The following RNF10 variants were observed in gnomAD, a reference collection of about 807,000 sequenced individuals.
RNF10 encodes the protein E3 ubiquitin-protein ligase RNF10.
In RNF10, 38 loss-of-function variants were observed where a neutral mutation model predicts 91.4. The ratio of observed to expected loss-of-function variants is 0.42; its 90% CI spans 0.32 to 0.54. RNF10 has a LOEUF of 0.54. Among genes scored for constraint, RNF10 ranks in the 20% least tolerant of loss-of-function variants. RNF10 has a pLI of 0.16. For missense variants in RNF10, 945 were observed against 1,012.0 expected, an observed-to-expected ratio of 0.93 and a Z score of 0.90; for synonymous variants, 364 against 366.3, an observed-to-expected ratio of 0.99 and a Z score of 0.07.
Position 120,565,417 on chromosome 12 carries a change from C to G in RNF10, c.1784-11C>G. 5.0e-6 allele frequency: 8 copies of G among 1,613,330 alleles called. No homozygotes were observed. The highest frequency in any genetic ancestry group is 6.8e-6 in the Non-Finnish European group (8 of 1,179,450). ...CTGGGTCTACCTCTTTACAACCTGA[C>G]CAATCTGCAGATGACATTGAGAAGA... On this transcript the variant is annotated splice_polypyrimidine_tract_variant and intron_variant, in intron 11 of 16. Coordinates refer to ENST00000325954, the MANE Select transcript of RNF10 (RefSeq NM_014868.5).
intron 7 of RNF10, among the ~76,000 whole-genome samples, chr12:120,562,567 C>T (rs1054499006): frequency 3.2e-4 from 48 of 152,138 alleles, no homozygotes; most frequent in African/African-American, 1.1e-3. Flanking sequence ...AGCCACCACA[C>T]CTGGCCGTAT....
At chr12:120,542,145 C>T (rs776955496) in intron 1 of RNF10, among the ~76,000 whole-genome samples, 4 of 152,122 alleles carry the variant, frequency 2.6e-5, no homozygotes, top group Non-Finnish European at 4.4e-5. Context: ...GGATTACAGG[C>T]GTGAGCCACC....
At chr12:120,559,422 G>A (rs1269256684) in intron 6 of RNF10, among the ~76,000 whole-genome samples, 1 of 151,198 alleles carries the variant, frequency 6.6e-6, no homozygotes, top group Admixed American at 6.6e-5. Flanking sequence ...GTCTCACTCT[G>A]TTGCCAGGCT....
At position 120,575,957 on chromosome 12, in the gene RNF10, G is replaced by A; in HGVS notation, c.2359+7G>A. The A allele has an allele frequency of 2.5e-6, 4 of 1,613,152 alleles. No individual in the cohort carries two copies. The highest frequency in any genetic ancestry group is 3.4e-6 in the Non-Finnish European group (4 of 1,180,006). ...ACTTCAGATCCCCTCTCTGGTAAGG[G>A]CAGAGGCTGGAGTGCCCAGGGTTGT... On this transcript the variant is annotated splice_region_variant and intron_variant, in intron 16 of 16. Coordinates refer to ENST00000325954, the MANE Select transcript of RNF10 (RefSeq NM_014868.5).
chr12:120,557,605 TGAAGAG>T lies in RNF10; in HGVS notation c.892_897del (p.Lys298_Arg299del). On this transcript the variant is annotated inframe_deletion, in exon 6 of 17. Transcript: ENST00000325954. ...GGTGATACCATTACGATGCAGCTGATGAAGAGGGAGAAAGGGGTGTTGGTGGCTTTG... is the reference window on the plus strand; with the variant it reads ...GGTGATACCATTACGATGCAGCTGATGGAGAAAGGGGTGTTGGTGGCTTTG... 3 of 1,614,182 alleles carry T rather than the reference TGAAGAG, an allele frequency of 1.9e-6. No individual in the cohort carries two copies. Among genetic ancestry groups the T allele is most frequent in the Non-Finnish European group, 2.5e-6 (3 of 1,180,032 alleles).
At position 120,565,182 on chromosome 12, in the gene RNF10, G is replaced by A. The variant is rs1476048533; in HGVS notation, c.1776G>A (p.Met592Ile). The A allele has an allele frequency of 1.3e-6, 2 of 1,598,040 alleles. No individual in the cohort carries two copies. The highest frequency in any genetic ancestry group is 1.3e-5 in the African/African-American group (1 of 74,650). ...TGGTCTCTAAGGAAACCCTAGAGAT[G>A]TTCTCAGGTGAGAATGCCCCTGCTC... ...PPVVSKETLE[M>I]FSDDIEKRKR... The change falls in exon 11 of 17, where the codon ATG becomes ATA. Residue 592 changes from methionine (M) to isoleucine (I), a missense_variant. By Grantham distance (10) the Met-to-Ile change is conservative. Coordinates refer to ENST00000325954, the MANE Select transcript of RNF10 (RefSeq NM_014868.5).
intron 7 of RNF10, 64 bp from the exon 8 acceptor site, chr12:120,562,881 C>T (rs1875095411): frequency 1.9e-6 from 3 of 1,605,156 alleles, no homozygotes; most frequent in Non-Finnish European, 2.6e-6. Context: ...TAAGCCCTTG[C>T]CCTTCAAGCT....
intron 6 of RNF10, among the ~76,000 whole-genome samples, chr12:120,560,155 T>G (rs1322497203): frequency 1.1e-4 from 7 of 66,310 alleles, no homozygotes; most frequent in African/African-American, 2.7e-4. Flanking sequence ...GTTTTTTTTG[T>G]TTTTTTTTTT....
intron 7 of RNF10, 99 bp from the exon 8 acceptor site, chr12:120,562,846 T>G: frequency 6.8e-7 from 1 of 1,466,826 alleles, no homozygotes; most frequent in Non-Finnish European, 9.5e-7. Context: ...GCCTTTTAAC[T>G]TTTGGTCCTG....
intron 1 of RNF10, among the ~76,000 whole-genome samples, chr12:120,543,000 G>A (rs1409467332): frequency 6.6e-6 from 1 of 152,056 alleles, no homozygotes; most frequent in Non-Finnish European, 1.5e-5. Context: ...AGGTGGTCAG[G>A]TTTGGAGAGA....
rs778113513 is a variant in RNF10 at position 120,565,165 on chromosome 12, A to C, written c.1759A>C (p.Lys587Gln). The change falls in exon 11 of 17, where the codon AAG becomes CAG. Residue 587 changes from lysine (K) to glutamine (Q), a missense_variant. Transcript: ENST00000325954. ...GGCTTTGCAACCTCCTGTGGTCTCT[A>C]AGGAAACCCTAGAGATGTTCTCAGG... ...ELALQPPVVS[K>Q]ETLEMFSDDI... The C allele has an allele frequency of 6.2e-7, 1 of 1,611,592 alleles. No homozygotes were observed. The highest frequency in any genetic ancestry group is 1.1e-5 in the South Asian group (1 of 91,028).
intron 14 of RNF10, among the ~76,000 whole-genome samples, chr12:120,572,862 A>T (rs1053853686): frequency 6.7e-6 from 1 of 149,520 alleles, no homozygotes; most frequent in African/African-American, 2.5e-5. Context: ...CAGCCTCCCA[A>T]AGTGCTGGGA....
intron 1 of RNF10, among the ~76,000 whole-genome samples, chr12:120,536,157 C>A (rs1292946742): frequency 3.3e-5 from 5 of 151,974 alleles, no homozygotes; most frequent in African/African-American, 1.2e-4. Flanking sequence ...CGCGGTGGCT[C>A]ATGCCTGTAA....
At position 120,560,761 on chromosome 12, in the gene RNF10, G is replaced by A; in HGVS notation, c.1003G>A (p.Ala335Thr). 1 of 1,614,040 alleles carries A rather than the reference G, an allele frequency of 6.2e-7. No individual in the cohort carries two copies. The highest frequency in any genetic ancestry group is 8.5e-7 in the Non-Finnish European group (1 of 1,179,958). The change falls in exon 7 of 17, where the codon GCC (alanine) becomes ACC (threonine). Residue 335 changes from alanine to threonine, a missense_variant. Physicochemically the swap from Ala to Thr is moderately conservative, Grantham distance 58 (BLOSUM62 0). Transcript: ENST00000325954. The part of the protein sequence containing the change: ...QHSQYSKLLL[A>T]SKEQVLHRVV... Reference sequence around the variant, plus strand: ...CAGCCAGTACTCCAAGTTGCTGCTGGCCTCTAAGGAGCAGGTGCTGCACCG... The same window carrying A: ...CAGCCAGTACTCCAAGTTGCTGCTGACCTCTAAGGAGCAGGTGCTGCACCG...
Position 120,576,784 on chromosome 12 carries a change from G to A in RNF10, c.*118G>A, listed in dbSNP as rs1487436861. ...TTGAGTTTGAACAGATTAGCTCTGG[G>A]GGGAGGGGGTTTCCACAATGTGAGG... On this transcript the variant is annotated 3_prime_UTR_variant, in exon 17 of 17. Coordinates refer to ENST00000325954, the MANE Select transcript of RNF10 (RefSeq NM_014868.5). The A allele has an allele frequency of 1.4e-6, 2 of 1,407,344 alleles. No homozygotes were observed. Among genetic ancestry groups the A allele is most frequent in the Non-Finnish European group, 1.9e-6 (2 of 1,040,264 alleles). 87.2% of individuals were successfully genotyped at this position (1,407,344 alleles called of 1,614,324 possible).
chr12:120,539,255 T>C (rs1340868269), intron 1 of RNF10: 1 of 439,830 alleles, frequency 2.3e-6, no homozygotes, highest in Non-Finnish European at 4.2e-6. Flanking sequence ...TAAATTTTTA[T>C]GAAGTCCTAG....
intron 6 of RNF10, among the ~76,000 whole-genome samples, chr12:120,559,822 A>C (rs117264981): frequency 0.046 from 6,899 of 151,604 alleles, 261 homozygotes; most frequent in South Asian, 0.1. Flanking sequence ...CAGCCTCCCT[A>C]GTAGCTGGGA....
chr12:120,543,072 A>G (rs1871803386), intron 1 of RNF10, among the ~76,000 whole-genome samples: 1 of 152,140 alleles, frequency 6.6e-6, no homozygotes, highest in Admixed American at 6.6e-5. Flanking sequence ...TGCTTTCAAA[A>G]TTTGGTCTCT....
At chr12:120,536,959 A>G (rs1870911440) in intron 1 of RNF10, among the ~76,000 whole-genome samples, 1 of 152,260 alleles carries the variant, frequency 6.6e-6, no homozygotes, top group African/African-American at 2.4e-5. Flanking sequence ...TTCACTTTGA[A>G]TATGTTGGTT....
Sources: allele counts gnomAD v4.1 joint callset (sites outside exome capture counted in the v4.1 genomes callset), GRCh38; gene constraint gnomAD v4.1.1; transcripts MANE v1.5; gene names NCBI Gene and HGNC (gene_info 2026-07-23, HGNC 2026-07-21).